Variants in PRMT7 observed in about 807,000 individuals in gnomAD.
PRMT7 encodes protein arginine methyltransferase 7.
PRMT7 carries 75 observed loss-of-function variants against 85.4 expected under a neutral mutation model. The ratio of observed to expected loss-of-function variants is 0.88; its 90% CI spans 0.73 to 1.06. The LOEUF is 1.06. PRMT7 is among the 50% of genes least tolerant of loss of function. The pLI is 0.00. For missense variants in PRMT7, 868 were observed against 915.2 expected, an observed-to-expected ratio of 0.95 and a Z score of 0.67; for synonymous variants, 397 against 359.5, an observed-to-expected ratio of 1.10 and a Z score of -1.18.
At chr16:68,333,696 A>C (rs995809751) in intron 6 of PRMT7, among the ~76,000 whole-genome samples, 3 of 152,108 alleles carry the variant, frequency 2.0e-5, no homozygotes, top group Non-Finnish European at 4.4e-5. Flanking sequence ...TTGGCCATGA[A>C]GTATGCTGAC....
intron 7 of PRMT7, 77 bp from the exon 8 acceptor site, chr16:68,339,245 C>T: frequency 6.3e-7 from 1 of 1,579,298 alleles, no homozygotes; most frequent in Non-Finnish European, 8.6e-7. Context: ...AAGGAATAAA[C>T]CTCTTTTGAT....
At chr16:68,324,390 C>G (rs952803180) in intron 4 of PRMT7, 4 of 412,428 alleles carry the variant, frequency 9.7e-6, no homozygotes, top group Non-Finnish European at 1.8e-5. Context: ...TCTTGGTCCC[C>G]CTTTTGGCTG....
At chr16:68,344,297 T>A (rs1435731647) in intron 9 of PRMT7, among the ~76,000 whole-genome samples, 1 of 152,172 alleles carries the variant, frequency 6.6e-6, no homozygotes, top group African/African-American at 2.4e-5. Context: ...CAGTTCTTCC[T>A]TTTTCAAAAA....
chr16:68,312,223 A>AT (rs1212523307), intron 2 of PRMT7, 47 bp downstream of exon 2: 4 of 39,904 alleles, frequency 1.0e-4, no homozygotes, highest in Non-Finnish European at 2.4e-4. Context: ...ATATATATAT[A>AT]TATATATTTT....
chr16:68,347,378 C>A (rs1322880036), intron 12 of PRMT7, 84 bp downstream of exon 12: 3 of 1,375,698 alleles, frequency 2.2e-6, no homozygotes, highest in African/African-American at 2.9e-5. Context: ...ATTCTGTGAT[C>A]AAGGCTCTTT....
intron 3 of PRMT7, among the ~76,000 whole-genome samples, chr16:68,319,436 G>C (rs752775107): frequency 2.6e-5 from 4 of 152,010 alleles, no homozygotes; most frequent in Admixed American, 6.6e-5. Flanking sequence ...GGTGGTTACC[G>C]AGAGTGATGT....
intron 6 of PRMT7, among the ~76,000 whole-genome samples, chr16:68,332,611 A>C (rs960674492): frequency 2.0e-5 from 3 of 152,194 alleles, no homozygotes; most frequent in African/African-American, 7.2e-5. Flanking sequence ...GTGTGAATGT[A>C]TTAACACAGA....
At chr16:68,324,486 G>C in intron 4 of PRMT7, 197 bp from the exon 5 acceptor site, 3 of 609,206 alleles carry the variant, frequency 4.9e-6, no homozygotes, top group Non-Finnish European at 8.7e-6. Flanking sequence ...GTGGAGCAGG[G>C]ACAGTCGCTT....
At chr16:68,316,564 G>A (rs938491368) in intron 3 of PRMT7, among the ~76,000 whole-genome samples, 6 of 152,002 alleles carry the variant, frequency 3.9e-5, no homozygotes, top group Non-Finnish European at 7.4e-5. Context: ...TCAGGAGTTC[G>A]AGACCAGCCT....
intron 13 of PRMT7, 124 bp from the exon 14 acceptor site, chr16:68,348,218 G>A (rs1340648992): frequency 1.3e-6 from 1 of 780,914 alleles, no homozygotes; most frequent in Non-Finnish European, 2.2e-6. Flanking sequence ...GCAGATAAAA[G>A]TGGTGTTCCA....
rs1433875683 is a variant in PRMT7, at chr16:68,346,244, G to A, written c.1155G>A (p.Gln385=). 3 of 1,614,104 alleles carry A rather than the reference G, an allele frequency of 1.9e-6. No homozygotes were observed. The highest frequency in any genetic ancestry group is 3.3e-5 in the Admixed American group (2 of 60,006). ...NRPRFGEIND[Q]DRTDRYVQAL... is the part of the protein sequence containing the mutation. Reference sequence around the variant, plus strand: ...CTCGGTTTGGAGAGATCAATGACCAGGACAGAACTGATCGATACGTCCAGG... The same window carrying A: ...CTCGGTTTGGAGAGATCAATGACCAAGACAGAACTGATCGATACGTCCAGG... The change falls in exon 11 of 19, where the codon CAG becomes CAA. Residue 385 remains glutamine, a synonymous_variant. Coordinates refer to ENST00000441236, the MANE Select transcript of PRMT7 (RefSeq NM_019023.5).
intron 16 of PRMT7, 116 bp from the exon 17 acceptor site, chr16:68,355,607 T>C (rs1310821685): frequency 8.8e-7 from 1 of 1,135,744 alleles, no homozygotes; most frequent in Non-Finnish European, 1.2e-6. Flanking sequence ...TCGGCATCTT[T>C]ATGGGAGAAC....
rs2088731335 is a variant in PRMT7 at position 68,357,185 on chromosome 16, C to A, written c.2040C>A (p.Asp680Glu). 6.2e-7 allele frequency: 1 copy of A among 1,613,966 alleles called. No homozygotes were observed. Among genetic ancestry groups the A allele is most frequent in the African/African-American group, 1.3e-5 (1 of 75,060 alleles). ...TGGAGTTTCACCCCGACACAGGCGA[C>A]ATCATCATGGAGTTCAGGCATGCAG... is the stretch of plus-strand genomic sequence containing the variant. The part of the protein sequence containing the change: ...YAVEFHPDTG[D>E]IIMEFRHADT... The change falls in exon 19 of 19, where the codon GAC (aspartate) becomes GAA (glutamate). Residue 680 changes from aspartate to glutamate, a missense_variant. Coordinates refer to ENST00000441236, the MANE Select transcript of PRMT7 (RefSeq NM_019023.5).
At chr16:68,320,098 G>A (rs2151420400) in intron 3 of PRMT7, among the ~76,000 whole-genome samples, 1 of 152,296 alleles carries the variant, frequency 6.6e-6, no homozygotes, top group Non-Finnish European at 1.5e-5. Context: ...TACCGCATCA[G>A]TGGTTATCTC....
At chr16:68,348,231 A>G in intron 13 of PRMT7, 111 bp from the exon 14 acceptor site, 1 of 910,590 alleles carries the variant, frequency 1.1e-6, no homozygotes, top group Non-Finnish European at 1.7e-6. Flanking sequence ...GTGTTCCAGA[A>G]CCATTTGCCG....
At chr16:68,339,288 TTTTTGTTTGG>T in intron 7 of PRMT7, 24 bp from the exon 8 acceptor site, 1 of 1,610,048 alleles carries the variant, frequency 6.2e-7, no homozygotes, top group South Asian at 1.1e-5. Flanking sequence ...AAGCATCTGA[TTTTTGTTTGG>T]TTTTGTTTTT....
rs765188527 is a variant in PRMT7 at position 68,339,805 on chromosome 16, A to G, written c.764A>G (p.Gln255Arg). 3 of 1,613,926 alleles carry G rather than the reference A, an allele frequency of 1.9e-6. No individual in the cohort carries two copies. The highest frequency in any genetic ancestry group is 2.5e-6 in the Non-Finnish European group (3 of 1,179,748). ...LPMFSIDFSK[Q>R]VSSSAACHSR... Reference sequence around the variant, plus strand: ...TTCCTCAGCATAGACTTCAGCAAGCAAGTCAGTAGCTCAGCAGCCTGCCAT... The same window carrying G: ...TTCCTCAGCATAGACTTCAGCAAGCGAGTCAGTAGCTCAGCAGCCTGCCAT... Residue 255 changes from glutamine (Q) to arginine (R), a missense_variant, in exon 9 of 19, where the codon CAA becomes CGA. Gln to Arg is a conservative substitution (Grantham distance 43). Transcript: ENST00000441236.
At chr16:68,358,967 T>G (rs1371065064), downstream of PRMT7, 14 of 152,678 alleles carry the variant, frequency 9.2e-5, no homozygotes, top group East Asian at 2.7e-3. Context: ...GGGCCGCACA[T>G]CCTTACTCTG....
At chr16:68,340,847 T>A (rs1269658066) in intron 9 of PRMT7, among the ~76,000 whole-genome samples, 1 of 152,194 alleles carries the variant, frequency 6.6e-6, no homozygotes, top group Non-Finnish European at 1.5e-5. Context: ...CTAGCAGGGA[T>A]CAAGTCCATT....
Sources: gnomAD v4.1 joint callset for allele counts (sites outside exome capture counted in the v4.1 genomes callset) on GRCh38, gnomAD v4.1.1 for gene constraint, MANE v1.5 for transcripts, NCBI Gene and HGNC (gene_info 2026-07-23, HGNC 2026-07-21) for gene names.